CSMD1: variants seen among roughly 807,000 people sequenced by gnomAD.
The protein encoded by CSMD1 is CUB and Sushi multiple domains 1.
In CSMD1, 213 loss-of-function variants were observed where a neutral mutation model predicts 417.5. The observed-to-expected ratio is 0.51, with a 90% confidence interval of 0.46 to 0.57. CSMD1 has a LOEUF of 0.57. Among genes scored for constraint, CSMD1 ranks in the 20% least tolerant of loss-of-function variants. CSMD1 has a pLI of 0.00. For missense variants in CSMD1, 6,923 were observed against 4,529.7 expected, an observed-to-expected ratio of 1.53 and a Z score of -15.17; for synonymous variants, 2,862 against 1,736.8, an observed-to-expected ratio of 1.65 and a Z score of -16.11.
intron 10 of CSMD1, among the ~76,000 whole-genome samples, chr8:3,536,290 AAACT>A (rs1401855083): frequency 6.6e-6 from 1 of 152,192 alleles, no homozygotes; most frequent in African/African-American, 2.4e-5. Flanking sequence ...ACTTGTACTT[AAACT>A]AATTATTTTA....
intron 3 of CSMD1, among the ~76,000 whole-genome samples, chr8:4,272,769 A>G (rs1037763033): frequency 6.6e-6 from 1 of 152,140 alleles, no homozygotes; most frequent in Non-Finnish European, 1.5e-5. Context: ...ACTCTCAGTA[A>G]AGGAGGTTAG....
intron 46 of CSMD1, among the ~76,000 whole-genome samples, chr8:3,097,601 G>A (rs1254455445): frequency 1.3e-5 from 2 of 152,082 alleles, no homozygotes; most frequent in South Asian, 2.1e-4. Context: ...TCATGTCCTG[G>A]GTGAGACATA....
intron 57 of CSMD1, among the ~76,000 whole-genome samples, chr8:2,970,066 A>T (rs936973916): frequency 6.6e-5 from 10 of 152,204 alleles, no homozygotes; most frequent in African/African-American, 2.4e-4. Flanking sequence ...AAACTTTTAA[A>T]TGTCTAACTT....
chr8:4,636,803 G>C (rs537967007), intron 2 of CSMD1, among the ~76,000 whole-genome samples: 2 of 152,144 alleles, frequency 1.3e-5, no homozygotes, highest in Non-Finnish European at 2.9e-5. Context: ...TTCTGGTAAT[G>C]AGGGGTGAAG....
At chr8:3,026,374 AC>A (rs1809924067) in intron 51 of CSMD1, among the ~76,000 whole-genome samples, 1 of 151,858 alleles carries the variant, frequency 6.6e-6, no homozygotes, top group Non-Finnish European at 1.5e-5. Context: ...GCCTCACTGG[AC>A]CTCACTGGAC....
chr8:3,997,809 A>G, intron 5 of CSMD1, 94 bp downstream of exon 5: 1 of 1,139,968 alleles, frequency 8.8e-7, no homozygotes, highest in East Asian at 2.6e-5. Context: ...CTTGCCCATG[A>G]ACGTCCAGAG....
In CSMD1 at chr8:3,386,402, C is replaced by T. The variant is rs1019188153; in HGVS notation, c.2782+1092G>A. 2.6e-5 allele frequency among the ~76,000 whole-genome samples: 4 copies of T among 152,276 alleles called. No individual in the cohort carries two copies. In the East Asian group the frequency reaches 7.8e-4, roughly 30 times the overall value. Reference sequence around the variant, plus strand: ...CCGGTTCCAGCTGGTTCGCACACTTCCCACACTTCCTGAGAGGGCTCCAGC... The same window carrying T: ...CCGGTTCCAGCTGGTTCGCACACTTTCCACACTTCCTGAGAGGGCTCCAGC... On this transcript the variant is annotated intron_variant, in intron 18 of 69. Coordinates refer to ENST00000635120, the MANE Select transcript of CSMD1 (RefSeq NM_033225.6).
At chr8:3,112,224 G>A (rs1816563238) in intron 42 of CSMD1, among the ~76,000 whole-genome samples, 1 of 152,152 alleles carries the variant, frequency 6.6e-6, no homozygotes, top group Admixed American at 6.5e-5. Context: ...TAACCAGAGA[G>A]CACTTTAAGA....
intron 1 of CSMD1, among the ~76,000 whole-genome samples, chr8:4,909,860 T>C (rs1334620754): frequency 6.6e-6 from 1 of 152,312 alleles, no homozygotes; most frequent in Non-Finnish European, 1.5e-5. Flanking sequence ...CTCTGATGGG[T>C]TCAGAGAAGT....
chr8:4,172,225 G>C (rs967546799), intron 3 of CSMD1, among the ~76,000 whole-genome samples: 23 of 152,202 alleles, frequency 1.5e-4, no homozygotes, highest in African/African-American at 5.1e-4. Flanking sequence ...TGGACCAAGA[G>C]AATAGGGTCA....
At chr8:3,040,524 G>A (rs1811017854) in intron 50 of CSMD1, among the ~76,000 whole-genome samples, 1 of 151,308 alleles carries the variant, frequency 6.6e-6, no homozygotes, top group South Asian at 2.1e-4. Context: ...AACAAATTGG[G>A]CCGGGCACGG....
At chr8:3,869,635 C>T (rs568276446) in intron 5 of CSMD1, among the ~76,000 whole-genome samples, 1 of 152,112 alleles carries the variant, frequency 6.6e-6, no homozygotes, top group African/African-American at 2.4e-5. Context: ...CTGAGCTAAC[C>T]TGGGGAAAGT....
intron 1 of CSMD1, among the ~76,000 whole-genome samples, chr8:4,894,234 G>A (rs1563695438): frequency 6.6e-6 from 1 of 151,952 alleles, no homozygotes; most frequent in Non-Finnish European, 1.5e-5. Flanking sequence ...TTCAGAATTT[G>A]AAGAATAAGC....
intron 5 of CSMD1, among the ~76,000 whole-genome samples, chr8:3,988,747 T>C (rs548475390): frequency 6.6e-6 from 1 of 152,332 alleles, no homozygotes; most frequent in African/African-American, 2.4e-5. Context: ...TTGACGGACA[T>C]ATACAAAAAC....
chr8:3,488,881 T>C (rs1226879677), intron 11 of CSMD1, among the ~76,000 whole-genome samples: 1 of 152,194 alleles, frequency 6.6e-6, no homozygotes, highest in Non-Finnish European at 1.5e-5. Flanking sequence ...GTTTTAAGAA[T>C]CTTATTTCTA....
chr8:4,713,374 TTTTTGTTTTGTTTTGTTTTGTTTTG>T (rs56295432), intron 1 of CSMD1, among the ~76,000 whole-genome samples: 1 of 148,014 alleles, frequency 6.8e-6, no homozygotes, highest in Non-Finnish European at 1.5e-5. Flanking sequence ...CAGCTTTGTG[TTTTTGTTTTGTTTTGTTTTGTTTTG>T]TTTTGTTTTG....
At chr8:4,477,137 C>T (rs1800844654) in intron 2 of CSMD1, among the ~76,000 whole-genome samples, 1 of 152,160 alleles carries the variant, frequency 6.6e-6, no homozygotes, top group Non-Finnish European at 1.5e-5. Context: ...ACAGTTTATC[C>T]AGTGGGCATT....
chr8:4,451,599 T>C (rs1256471206), intron 2 of CSMD1, among the ~76,000 whole-genome samples: 1 of 152,078 alleles, frequency 6.6e-6, no homozygotes, highest in African/African-American at 2.4e-5. Context: ...AAGAAGACCA[T>C]TTTAGAGGTT....
intron 1 of CSMD1, among the ~76,000 whole-genome samples, chr8:4,768,041 G>A (rs1227749073): frequency 6.6e-6 from 1 of 152,186 alleles, no homozygotes; most frequent in African/African-American, 2.4e-5. Context: ...CGTTGAGTTA[G>A]TCTTCTTTTT....
Sources: gnomAD v4.1 joint callset for allele counts (sites outside exome capture counted in the v4.1 genomes callset) on GRCh38, gnomAD v4.1.1 for gene constraint, MANE v1.5 for transcripts, NCBI Gene and HGNC (gene_info 2026-07-23, HGNC 2026-07-21) for gene names.